SV2B: variants seen among roughly 807,000 people sequenced by gnomAD.
SV2B encodes solute carrier family 22 member B2.
SV2B carries 41 observed loss-of-function variants against 73.9 expected under a neutral mutation model. The observed-to-expected ratio is 0.56, with a 90% CI of 0.43 to 0.72. The LOEUF (loss-of-function observed/expected upper bound fraction) is 0.72. Among genes scored for constraint, SV2B ranks in the 30% least tolerant of loss-of-function variants. SV2B has a pLI of 0.00. For missense variants in SV2B, 764 were observed against 857.8 expected (o/e 0.89, Z 1.37); for synonymous variants, 314 against 314.2 (o/e 1.00, Z 0.01).
chr15:91,252,013 G>C lies in SV2B; in HGVS notation c.632+14G>C, dbSNP rs201626625. 2.6e-4 allele frequency: 412 copies of C among 1,613,258 alleles called. No individual in the cohort carries two copies. The highest frequency in any genetic ancestry group is 3.3e-4 in the Non-Finnish European group (391 of 1,179,632). ...CTCAGGCATCGGGTATGTTCTTAGG[G>C]AGGTGGAGCTGGACCATCCCAGACC... On this transcript the variant is annotated intron_variant, in intron 3 of 12. Transcript: ENST00000394232. The surrounding 1 kb of genome is among the most constrained non-coding windows in gnomAD (Gnocchi z 4.6).
In SV2B at chr15:91,105,634, G is replaced by A. The variant is rs961714672; in HGVS notation, c.-392+5271G>A. On this transcript the variant is annotated intron_variant, in intron 1 of 12. Coordinates refer to ENST00000394232, the MANE Select transcript of SV2B (RefSeq NM_001323032.3). The surrounding 1 kb of genome is among the most constrained non-coding windows in gnomAD (Gnocchi z 5.5). ...CACAGGGTGCTATTAGCTGATTTAT[G>A]TTTTCCAAGGATCCCTTGAGCTTTA... Among the ~76,000 whole-genome samples, 2 of 152,212 alleles carry A rather than the reference G, an allele frequency of 1.3e-5. No individual in the cohort carries two copies. The highest frequency in any genetic ancestry group is 1.3e-4 in the Admixed American group (2 of 15,288).
chr15:91,263,559 CAG>C (rs1236603096), intron 6 of SV2B, among the ~76,000 whole-genome samples: 5 of 151,914 alleles, frequency 3.3e-5, no homozygotes, highest in African/African-American at 1.2e-4. Flanking sequence ...CACACAGACA[CAG>C]AGACACACAC....
chr15:91,273,663 T>C (rs2048390584), intron 9 of SV2B, among the ~76,000 whole-genome samples: 1 of 152,190 alleles, frequency 6.6e-6, no homozygotes, highest in Non-Finnish European at 1.5e-5. Context: ...TTTTTTTCCA[T>C]TATAAAACAT....
intron 1 of SV2B, among the ~76,000 whole-genome samples, chr15:91,117,140 A>G (rs2042203682): frequency 6.6e-6 from 1 of 152,200 alleles, no homozygotes; most frequent in African/African-American, 2.4e-5. Flanking sequence ...ACAGAGCCAC[A>G]TCTTTGTCTC....
chr15:91,156,115 C>T (rs762510901), intron 1 of SV2B, among the ~76,000 whole-genome samples: 5 of 152,124 alleles, frequency 3.3e-5, no homozygotes, highest in Non-Finnish European at 7.3e-5. Flanking sequence ...TTCCAGATCA[C>T]TCCAGGCTGG....
chr15:91,134,003 C>CTTTTTTTTTTTTTTTTTTTTT (rs1567278795), intron 1 of SV2B, among the ~76,000 whole-genome samples: 2 of 49,316 alleles, frequency 4.1e-5, no homozygotes, highest in Admixed American at 1.6e-4. Flanking sequence ...TTTCTTTCTT[C>CTTTTTTTTTTTTTTTTTTTTT]CTTTTTTTTT....
Position 91,268,502 on chromosome 15 carries a change from A to C in SV2B, c.1270A>C (p.Lys424Gln). ...MIRYFQDEEY[K>Q]SKMKVFFGEH... ...CCGCTATTTTCAAGATGAAGAATAC[A>C]AGTCTAAAATGAAGGTGTTTTTTGG... The change falls in exon 9 of 13, where the codon AAG (lysine) becomes CAG (glutamine). Residue 424 changes from lysine to glutamine, a missense_variant. Lys to Gln is a moderately conservative substitution (Grantham distance 53, BLOSUM62 1). Transcript: ENST00000394232. This position sits in a 1 kb window ranked among gnomAD's most constrained non-coding sequence, Gnocchi z 4.4. The C allele has an allele frequency of 6.2e-7, 1 of 1,614,170 alleles. No individual in the cohort carries two copies. The highest frequency in any genetic ancestry group is 1.6e-4 in the Middle Eastern group (1 of 6,062).
rs2046786347 is a variant in SV2B at position 91,236,483 on chromosome 15, C to T, written c.451+9769C>T. 6.6e-6 allele frequency among the ~76,000 whole-genome samples: 1 copy of T among 152,098 alleles called. No individual in the cohort carries two copies. Among genetic ancestry groups the T allele is most frequent in the Admixed American group, 6.5e-5 (1 of 15,268 alleles). On this transcript the variant is annotated intron_variant, in intron 2 of 12. Transcript: ENST00000394232. This position sits in a 1 kb window ranked among gnomAD's most constrained non-coding sequence, Gnocchi z 4.1. ...ATTCTTAAGTAAACTGGCATATTTACTGAGAATGGAGGTGGAAGTTGCAGA... is the reference window on the plus strand; with the variant it reads ...ATTCTTAAGTAAACTGGCATATTTATTGAGAATGGAGGTGGAAGTTGCAGA...
intron 1 of SV2B, among the ~76,000 whole-genome samples, chr15:91,217,385 A>T (rs971122633): frequency 1.9e-4 from 29 of 152,290 alleles, no homozygotes; most frequent in African/African-American, 6.7e-4. Context: ...TATGTGTGCA[A>T]TGCTATGGGA....
chr15:91,209,303 G>A (rs1387888900), intron 1 of SV2B, among the ~76,000 whole-genome samples: 1 of 151,804 alleles, frequency 6.6e-6, no homozygotes, highest in African/African-American at 2.4e-5. Context: ...TGTATTTTTA[G>A]TAGAGACAGG....
chr15:91,185,822 G>A (rs1263688030), intron 1 of SV2B, among the ~76,000 whole-genome samples: 1 of 152,178 alleles, frequency 6.6e-6, no homozygotes. Flanking sequence ...GGAGAGTTCA[G>A]TAACTTGCTC....
chr15:91,206,806 T>C (rs2045658040), intron 1 of SV2B, among the ~76,000 whole-genome samples: 1 of 152,144 alleles, frequency 6.6e-6, no homozygotes, highest in African/African-American at 2.4e-5. Flanking sequence ...CATATTTAAA[T>C]TTCAGGTGTT....
intron 9 of SV2B, among the ~76,000 whole-genome samples, chr15:91,270,978 C>A (rs112487739): frequency 0.015 from 1,385 of 90,248 alleles, 141 homozygotes; most frequent in African/African-American, 0.073. Flanking sequence ...GGATGATGGG[C>A]GGACGGTGAG....
At chr15:91,146,259 C>T (rs1156964889) in intron 1 of SV2B, among the ~76,000 whole-genome samples, 2 of 152,090 alleles carry the variant, frequency 1.3e-5, no homozygotes, top group Non-Finnish European at 2.9e-5. Flanking sequence ...TTGTTTTTAT[C>T]ACGTTTGTTG....
rs762059194 is a variant in SV2B, at chr15:91,226,548, C to T, written c.285C>T (p.Tyr95=). Residue 95 remains tyrosine (Y), a synonymous_variant, in exon 2 of 13, where the codon TAC becomes TAT. Coordinates refer to ENST00000394232, the MANE Select transcript of SV2B (RefSeq NM_001323032.3). ...ATGAGGAGCAGTTGGCCCACCAGTA[C>T]GAGACCATCATGGATGAGTGTGGCC... ...LEDEEQLAHQ[Y]ETIMDECGHG... The T allele has an allele frequency of 3.1e-6, 5 of 1,614,182 alleles. No homozygotes were observed. Among genetic ancestry groups the T allele is most frequent in the African/African-American group, 2.7e-5 (2 of 75,060 alleles).
Position 91,289,756 on chromosome 15 carries a change from T to A in SV2B, c.1868+76T>A. ...CAGAAGTCTACCTGCTCCCTAAATC[T>A]CATGCTGTGCATGGCCATCGTGGTC... On this transcript the variant is annotated intron_variant, in intron 12 of 12. Coordinates refer to ENST00000394232, the MANE Select transcript of SV2B (RefSeq NM_001323032.3). This position sits in a 1 kb window ranked among gnomAD's most constrained non-coding sequence, Gnocchi z 4.9. 6.7e-7 allele frequency: 1 copy of A among 1,491,300 alleles called. No individual in the cohort carries two copies. The highest frequency in any genetic ancestry group is 9.1e-7 in the Non-Finnish European group (1 of 1,101,876). The allele number at this position is 1,491,300 out of a possible 1,614,324, so 92.4% of individuals were successfully genotyped here. A position where few individuals can be genotyped will look rare whatever the true frequency, so the allele number is the denominator to read the frequency against.
chr15:91,247,551 C>A (rs143799937), intron 2 of SV2B, among the ~76,000 whole-genome samples: 9 of 152,282 alleles, frequency 5.9e-5, no homozygotes, highest in Admixed American at 1.3e-4. Flanking sequence ...AACTTAGAAT[C>A]TTGAAAAGGG....
chr15:91,277,627 T>A (rs1421351923), intron 9 of SV2B, among the ~76,000 whole-genome samples: 1 of 152,224 alleles, frequency 6.6e-6, no homozygotes, highest in Non-Finnish European at 1.5e-5. Context: ...GTTATTGCAT[T>A]TTTAGTAGTT....
chr15:91,281,611 T>A lies in SV2B; in HGVS notation c.1374-117T>A. ...GGGAAGTGGTCTGGGTTGAAAATAA[T>A]GCTCTGGCACCTTTTGCTTGCACAT... On this transcript the variant is annotated intron_variant, in intron 9 of 12. Coordinates refer to ENST00000394232, the MANE Select transcript of SV2B (RefSeq NM_001323032.3). This position sits in a 1 kb window ranked among gnomAD's most constrained non-coding sequence, Gnocchi z 4.7. The A allele has an allele frequency of 8.1e-7, 1 of 1,227,162 alleles. No individual in the cohort carries two copies. Among genetic ancestry groups the A allele is most frequent in the Non-Finnish European group, 1.1e-6 (1 of 890,980 alleles). The allele number at this position is 1,227,162 out of a possible 1,614,324, so 76.0% of individuals were successfully genotyped here.
Sources: allele counts gnomAD v4.1 joint callset (sites outside exome capture counted in the v4.1 genomes callset), GRCh38; gene constraint gnomAD v4.1.1; non-coding constraint Gnocchi (gnomAD v3.1); transcripts MANE v1.5; gene names NCBI Gene and HGNC (gene_info 2026-07-23, HGNC 2026-07-21).